The following SSR2 variants were observed in gnomAD, a reference collection of about 807,000 sequenced individuals.
The protein encoded by SSR2 is translocon-associated protein subunit beta.
Under a neutral mutation model 22.6 loss-of-function variants are expected in SSR2, and 16 were observed. The observed-to-expected ratio is 0.71, with a 90% CI of 0.48 to 1.08. SSR2 has a LOEUF of 1.08. SSR2 is among the 50% of genes least tolerant of loss of function. The pLI is 0.00. For missense variants in SSR2, 171 were observed against 221.6 expected (o/e 0.77, Z 1.45); for synonymous variants, 83 against 91.2 (o/e 0.91, Z 0.51).
intron 4 of SSR2, 76 bp downstream of exon 4, chr1:156,014,885 C>T (rs1368787140): frequency 4.9e-6 from 6 of 1,222,542 alleles, no homozygotes; most frequent in Admixed American, 1.9e-5. Flanking sequence ...CTTCATCCCC[C>T]TCTTACCCCC....
chr1:156,012,861 A>G (rs1682998908), intron 4 of SSR2: 1 of 213,968 alleles, frequency 4.7e-6, no homozygotes, highest in Non-Finnish European at 9.8e-6. Flanking sequence ...GGTATTCCCC[A>G]GAGTCTGGCA....
intron 4 of SSR2, chr1:156,012,601 G>A (rs978717377): frequency 3.5e-5 from 16 of 455,862 alleles, no homozygotes; most frequent in African/African-American, 2.6e-4. Flanking sequence ...TGAAAACACC[G>A]CTAGGTTTAG....
At chr1:156,019,949 T>C (rs1683122985) in intron 2 of SSR2, 64 bp downstream of exon 2, 2 of 1,568,190 alleles carry the variant, frequency 1.3e-6, no homozygotes, top group Admixed American at 3.6e-5. Flanking sequence ...ATGCTCCCTA[T>C]TCCCATCTGA....
intron 3 of SSR2, chr1:156,018,000 G>A (rs1039176619): frequency 2.8e-5 from 7 of 248,844 alleles, no homozygotes; most frequent in Admixed American, 1.1e-4. Flanking sequence ...CACCCACCTC[G>A]GCCTCCCAAA....
intron 5 of SSR2, 71 bp from the exon 6 acceptor site, chr1:156,009,721 G>A: frequency 9.8e-7 from 1 of 1,021,220 alleles, no homozygotes; most frequent in Non-Finnish European, 1.5e-6. Flanking sequence ...GAAAATATGA[G>A]TCCAATGAGA....
At chr1:156,019,754 C>A (rs1314975467) in intron 2 of SSR2, among the ~76,000 whole-genome samples, 1 of 152,138 alleles carries the variant, frequency 6.6e-6, no homozygotes, top group African/African-American at 2.4e-5. Context: ...TCTTTCCCTC[C>A]TAGTTTTTCC....
At chr1:156,009,797 G>A (rs540068443) in intron 5 of SSR2, 147 bp from the exon 6 acceptor site, 10 of 570,150 alleles carry the variant, frequency 1.8e-5, no homozygotes, top group East Asian at 9.8e-5. Flanking sequence ...TTTTTGAGAC[G>A]GAGTCTCGCC....
intron 3 of SSR2, among the ~76,000 whole-genome samples, chr1:156,015,575 T>C (rs1455724249): frequency 7.4e-6 from 1 of 134,352 alleles, no homozygotes; most frequent in Non-Finnish European, 1.6e-5. Context: ...TTTTTAAAAT[T>C]TACTGATTTT....
chr1:156,020,572 T>C (rs1683134431), intron 1 of SSR2: 1 of 306,054 alleles, frequency 3.3e-6, no homozygotes. Context: ...CCCCTCCTCC[T>C]TGGCCACAGC....
At chr1:156,019,431 T>C (rs1360724152) in intron 2 of SSR2, among the ~76,000 whole-genome samples, 1 of 152,114 alleles carries the variant, frequency 6.6e-6, no homozygotes, top group Admixed American at 6.6e-5. Context: ...TGGCTCAGGC[T>C]GGAGTGCAGT....
intron 4 of SSR2, chr1:156,013,967 T>C (rs1198212232): frequency 6.6e-6 from 1 of 152,212 alleles, no homozygotes; most frequent in Admixed American, 6.5e-5. Context: ...ATCACTCTAG[T>C]CCAGAACTTT....
chr1:156,011,534 AC>A, intron 5 of SSR2: 1 of 226,758 alleles, frequency 4.4e-6, no homozygotes, highest in East Asian at 8.7e-5. Flanking sequence ...TTTTTTTTAA[AC>A]CTCAAAATAG....
At position 156,012,168 on chromosome 1, in the gene SSR2, C is replaced by T. The variant is rs1464394599; in HGVS notation, c.364-281G>A. ...TAAACAAGGTAGGCCAGGCATGCAA[C>T]TGAAATTAAAGCCAAATTCTTCTGT... On this transcript the variant is annotated intron_variant, in intron 4 of 5. Transcript: ENST00000295702. 5 of 328,186 alleles carry T rather than the reference C, an allele frequency of 1.5e-5. No homozygotes were observed. In the East Asian group the frequency reaches 2.9e-4, roughly 19 times the overall value. 20.3% of individuals were successfully genotyped at this position (328,186 alleles called of 1,614,324 possible).
At chr1:156,012,080 T>C in intron 4 of SSR2, 193 bp from the exon 5 acceptor site, 1 of 512,268 alleles carries the variant, frequency 2.0e-6, no homozygotes. Flanking sequence ...TCTCTTAGTG[T>C]GTTATAAAGA....
At chr1:156,018,843 C>T (rs563333293) in intron 2 of SSR2, among the ~76,000 whole-genome samples, 6 of 151,210 alleles carry the variant, frequency 4.0e-5, no homozygotes, top group South Asian at 4.2e-4. Flanking sequence ...GGTGAAACTC[C>T]GTCTCTAAAA....
In SSR2 at chr1:156,020,895, A is replaced by T; in HGVS notation, c.-8T>A. On this transcript the variant is annotated 5_prime_UTR_variant, in exon 1 of 6. It removes an upstream start codon present in the reference 5' UTR. Transcript: ENST00000295702. ...CTAAGCCTCCGGACTTACCGTTGGC[A>T]TCCCAAACGCCTTTCCGGAGCCACA... is the stretch of plus-strand genomic sequence containing the variant. The T allele has an allele frequency of 2.1e-6, 1 of 471,100 alleles. No homozygotes were observed. Among genetic ancestry groups the T allele is most frequent in the African/African-American group, 2.0e-5 (1 of 50,144 alleles). The allele number at this position is 471,100 out of a possible 1,614,324, so 29.2% of individuals were successfully genotyped here.
intron 1 of SSR2, 100 bp downstream of exon 1, chr1:156,020,788 C>A: frequency 2.3e-6 from 1 of 436,832 alleles, no homozygotes; most frequent in Admixed American, 2.5e-5. Context: ...GCGTCCTCTG[C>A]CCTTCCCGCC....
chr1:156,016,863 G>A, intron 3 of SSR2, among the ~76,000 whole-genome samples: 1 of 152,060 alleles, frequency 6.6e-6, no homozygotes, highest in East Asian at 1.9e-4. Flanking sequence ...TCTTCCTCCT[G>A]CTCCAGACAT....
In SSR2 at chr1:156,020,874, G is replaced by A. The variant is rs1683143094; in HGVS notation, c.-1+14C>T. ...CGCCTCTCCCGTTCGGACGCCCTAA[G>A]CCTCCGGACTTACCGTTGGCATCCC... On this transcript the variant is annotated intron_variant, in intron 1 of 5. Coordinates refer to ENST00000295702, the MANE Select transcript of SSR2 (RefSeq NM_003145.4). 1 of 470,832 alleles carries A rather than the reference G, an allele frequency of 2.1e-6. No homozygotes were observed. The highest frequency in any genetic ancestry group is 2.0e-5 in the African/African-American group (1 of 50,066). The allele number at this position is 470,832 out of a possible 1,614,324, so 29.2% of individuals were successfully genotyped here.
Sources: gnomAD v4.1 joint callset for allele counts (sites outside exome capture counted in the v4.1 genomes callset) on GRCh38, gnomAD v4.1.1 for gene constraint, MANE v1.5 for transcripts, NCBI Gene and HGNC (gene_info 2026-07-23, HGNC 2026-07-21) for gene names.